SNRPD1: variants seen among roughly 807,000 people sequenced by gnomAD.
SNRPD1 encodes the protein small nuclear ribonucleoprotein D1 polypeptide.
SNRPD1 carries 1 observed loss-of-function variant against 14.4 expected under a neutral mutation model. The ratio of observed to expected loss-of-function variants is 0.07; its 90% CI spans 0.02 to 0.33. The LOEUF (loss-of-function observed/expected upper bound fraction) is 0.33, where lower values mean the gene tolerates loss of function less well. Ranked by LOEUF, SNRPD1 falls within the 10% of genes least tolerant of loss-of-function variation. The pLI, the probability that SNRPD1 is intolerant of heterozygous loss-of-function variation, is 1.00. For synonymous variants in SNRPD1, 42 were observed against 50.3 expected (o/e 0.83, Z 0.70); for missense variants, 52 against 146.4 (o/e 0.36, Z 3.33).
intron 3 of SNRPD1, 84 bp from the exon 4 acceptor site, chr18:21,628,976 GGT>G: frequency 7.3e-6 from 7 of 958,722 alleles, no homozygotes; most frequent in African/African-American, 1.6e-5. Context: ...AACAGGGAAA[GGT>G]GTGTGTGTAA....
At chr18:21,623,166 A>G (rs1166079347) in intron 2 of SNRPD1, among the ~76,000 whole-genome samples, 1 of 151,756 alleles carries the variant, frequency 6.6e-6, no homozygotes, top group East Asian at 1.9e-4. Flanking sequence ...GGTCACTACA[A>G]CCTCTGCCTC....
intron 1 of SNRPD1, among the ~76,000 whole-genome samples, chr18:21,619,988 T>C (rs2038986037): frequency 1.3e-5 from 2 of 151,746 alleles, no homozygotes; most frequent in African/African-American, 4.8e-5. Flanking sequence ...GGAGTCTTGC[T>C]CTGTCACCCA....
intron 1 of SNRPD1, among the ~76,000 whole-genome samples, chr18:21,613,198 C>T (rs2146254390): frequency 6.6e-6 from 1 of 152,296 alleles, no homozygotes; most frequent in South Asian, 2.1e-4. Flanking sequence ...TAGACCCTGT[C>T]AGTTAGGTGA....
rs2146263920 is a variant in SNRPD1 at position 21,630,230 on chromosome 18, CTTTA to C, written c.*1096_*1099del. The C allele has an allele frequency of 6.6e-6, 1 of 152,252 alleles. No homozygotes were observed. Among genetic ancestry groups the C allele is most frequent in the African/African-American group, 2.4e-5 (1 of 41,546 alleles). 9.4% of individuals were successfully genotyped at this position (152,252 alleles called of 1,614,324 possible). ...TTGAGAATAAAAGAGAAAAGACCTACTTTATTTGACAGCAAAACTGTTCTAATTG... is the reference window on the plus strand; with the variant it reads ...TTGAGAATAAAAGAGAAAAGACCTACTTTGACAGCAAAACTGTTCTAATTG... On this transcript the variant is annotated 3_prime_UTR_variant, in exon 4 of 4. Transcript: ENST00000300413.
At chr18:21,627,391 A>G (rs1341303118) in intron 3 of SNRPD1, among the ~76,000 whole-genome samples, 1 of 146,856 alleles carries the variant, frequency 6.8e-6, no homozygotes, top group Non-Finnish European at 1.5e-5. Flanking sequence ...CTGGGATTAT[A>G]GGTGTGAGCC....
intron 3 of SNRPD1, among the ~76,000 whole-genome samples, chr18:21,626,057 T>A (rs1352248961): frequency 9.9e-5 from 15 of 152,200 alleles, no homozygotes; most frequent in Admixed American, 9.8e-4. Context: ...GTTCTAGACT[T>A]ACAGTTTTTG....
chr18:21,620,224 G>T (rs2038987624), intron 1 of SNRPD1, among the ~76,000 whole-genome samples: 1 of 151,920 alleles, frequency 6.6e-6, no homozygotes, highest in Non-Finnish European at 1.5e-5. Flanking sequence ...AAAGTGCTGG[G>T]GTTACAGGCA....
At chr18:21,614,441 G>C (rs916379090) in intron 1 of SNRPD1, among the ~76,000 whole-genome samples, 2 of 152,164 alleles carry the variant, frequency 1.3e-5, no homozygotes, top group South Asian at 4.1e-4. Flanking sequence ...ATCCTGTTTT[G>C]TGTCTTAGGT....
intron 3 of SNRPD1, among the ~76,000 whole-genome samples, chr18:21,626,434 A>C (rs2039039757): frequency 6.6e-6 from 1 of 151,076 alleles, no homozygotes; most frequent in Non-Finnish European, 1.5e-5. Flanking sequence ...CAACAAATTA[A>C]ATAATGAAAA....
At chr18:21,613,495 G>A (rs1346730534) in intron 1 of SNRPD1, among the ~76,000 whole-genome samples, 1 of 152,160 alleles carries the variant, frequency 6.6e-6, no homozygotes, top group East Asian at 1.9e-4. Flanking sequence ...GGGGATGACA[G>A]ACAAGTAGAT....
intron 1 of SNRPD1, among the ~76,000 whole-genome samples, chr18:21,620,249 C>T (rs753550072): frequency 5.9e-5 from 9 of 151,990 alleles, no homozygotes; most frequent in South Asian, 2.1e-4. Context: ...CTACCGCACC[C>T]GGCCAACTAA....
chr18:21,619,983 C>T (rs1229724212), intron 1 of SNRPD1, among the ~76,000 whole-genome samples: 1 of 151,830 alleles, frequency 6.6e-6, no homozygotes, highest in East Asian at 2.0e-4. Flanking sequence ...GAGATGGAGT[C>T]TTGCTCTGTC....
In SNRPD1 at chr18:21,631,353, A is replaced by G. The variant is rs2039081897; in HGVS notation, c.*2215A>G. 1 of 148,100 alleles carries G rather than the reference A, an allele frequency of 6.8e-6. No homozygotes were observed. The highest frequency in any genetic ancestry group is 2.5e-5 in the African/African-American group (1 of 40,082). The allele number at this position is 148,100 out of a possible 1,614,324, so 9.2% of individuals were successfully genotyped here. On this transcript the variant is annotated 3_prime_UTR_variant, in exon 4 of 4. Coordinates refer to ENST00000300413, the MANE Select transcript of SNRPD1 (RefSeq NM_006938.4). Reference sequence around the variant, plus strand: ...CACCATGTTGGCCAGACTTAAGACAATTCTTTAATAGTAAATATATTAAAG... The same window carrying G: ...CACCATGTTGGCCAGACTTAAGACAGTTCTTTAATAGTAAATATATTAAAG...
At chr18:21,626,564 C>T (rs905391921) in intron 3 of SNRPD1, among the ~76,000 whole-genome samples, 33 of 150,116 alleles carry the variant, frequency 2.2e-4, no homozygotes, top group Non-Finnish European at 1.0e-4. Flanking sequence ...GCTGAGGCAG[C>T]TGGATCACAA....
chr18:21,618,951 G>T (rs986843861), intron 1 of SNRPD1, among the ~76,000 whole-genome samples: 11 of 152,158 alleles, frequency 7.2e-5, no homozygotes, highest in African/African-American at 2.7e-4. Context: ...AGTGCGGGAG[G>T]ATAATAGGTT....
At chr18:21,621,777 A>G (rs2038999937) in intron 1 of SNRPD1, among the ~76,000 whole-genome samples, 1 of 152,148 alleles carries the variant, frequency 6.6e-6, no homozygotes, top group South Asian at 2.1e-4. Context: ...GAGTTTCACC[A>G]TGTTGGCCAG....
At chr18:21,617,267 C>A (rs1351965929) in intron 1 of SNRPD1, among the ~76,000 whole-genome samples, 1 of 151,796 alleles carries the variant, frequency 6.6e-6, no homozygotes, top group Non-Finnish European at 1.5e-5. Flanking sequence ...ACCAGCCTGA[C>A]CAACATGGTG....
At chr18:21,626,351 G>A (rs1166812975) in intron 3 of SNRPD1, among the ~76,000 whole-genome samples, 2 of 132,996 alleles carry the variant, frequency 1.5e-5, no homozygotes, top group African/African-American at 2.9e-5. Context: ...CCGAGATTAC[G>A]CCACTGCACT....
rs1018371547 is a variant in SNRPD1 at position 21,633,412 on chromosome 18, A to G, written c.*4274A>G. On this transcript the variant is annotated 3_prime_UTR_variant, in exon 4 of 4. Coordinates refer to ENST00000300413, the MANE Select transcript of SNRPD1 (RefSeq NM_006938.4). ...CTCCATAACAAGAAGAATCTCTGTC[A>G]TAATAAACCAACAGCAGACATTTTC... is the stretch of plus-strand genomic sequence containing the variant. 2.0e-5 allele frequency: 3 copies of G among 152,242 alleles called. No homozygotes were observed. The highest frequency in any genetic ancestry group is 7.2e-5 in the African/African-American group (3 of 41,470). The allele number at this position is 152,242 out of a possible 1,614,324, so 9.4% of individuals were successfully genotyped here. A position where few individuals can be genotyped will look rare whatever the true frequency, so the allele number is the denominator to read the frequency against.
Sources: allele counts gnomAD v4.1 joint callset (sites outside exome capture counted in the v4.1 genomes callset), GRCh38; gene constraint gnomAD v4.1.1; transcripts MANE v1.5; gene names NCBI Gene and HGNC (gene_info 2026-07-23, HGNC 2026-07-21).